CLIC5: variants seen among roughly 807,000 people sequenced by gnomAD.
CLIC5 encodes the protein chloride intracellular channel protein 5.
In CLIC5, 20 loss-of-function variants were observed where a neutral mutation model predicts 24.7. The ratio of observed to expected loss-of-function variants is 0.81; its 90% confidence interval spans 0.57 to 1.18. The LOEUF is 1.18. CLIC5 is among the 50% of genes most tolerant of loss of function. CLIC5 has a pLI of 0.00. For synonymous variants in CLIC5, 159 were observed against 135.6 expected (o/e 1.17, Z -1.20); for missense variants, 341 against 326.1 (o/e 1.05, Z -0.35).
chr6:45,982,191 C>T (rs972160251), intron 1 of CLIC5, among the ~76,000 whole-genome samples: 2 of 151,938 alleles, frequency 1.3e-5, no homozygotes, highest in Non-Finnish European at 2.9e-5. Flanking sequence ...GTGAACAAAC[C>T]TTGGACACCT....
rs116381286 is a variant in CLIC5, at chr6:45,913,295, G to A, written c.588+933C>T. Among the ~76,000 whole-genome samples the A allele has an allele frequency of 9.5e-3, 1,452 of 152,282 alleles. 23 individuals are homozygous for A. The highest frequency in any genetic ancestry group is 0.033 in the African/African-American group (1,373 of 41,558). On this transcript the variant is annotated intron_variant, in intron 5 of 5. Transcript: ENST00000339561. Reference sequence around the variant, plus strand: ...TATGGCTATCTGATACTAGGCTGACGAGGGTCAGGAAAGAATGGGGGAAGA... The same window carrying A: ...TATGGCTATCTGATACTAGGCTGACAAGGGTCAGGAAAGAATGGGGGAAGA...
rs1452376505 is a variant in CLIC5 at position 45,949,291 on chromosome 6, G to T, written c.264C>A (p.Ile88=). The T allele has an allele frequency of 6.2e-7, 1 of 1,613,832 alleles. No homozygotes were observed. Among genetic ancestry groups the T allele is most frequent in the Admixed American group, 1.7e-5 (1 of 60,002 alleles). ...NGDVKTDVNK[I]EEFLEETLTP... ...TCAAGGTCTCCTCCAGGAACTCCTC[G>T]ATCTTATTGACGTCTGTCTTCACGT... The change falls in exon 3 of 6, where the codon ATC becomes ATA. Residue 88 remains isoleucine (I), a synonymous_variant. Transcript: ENST00000339561.
rs1053044433 is a variant in CLIC5, at chr6:46,015,401, T to A, written c.63+79A>T. On this transcript the variant is annotated intron_variant, in intron 1 of 5. Coordinates refer to ENST00000339561, the MANE Select transcript of CLIC5 (RefSeq NM_016929.5). ...GCCGCCCTCCTGGGAGGGTCCGGAG[T>A]CCAGCGCACCCCGAGCCCTGGTGGG... The A allele has an allele frequency of 2.4e-5, 33 of 1,380,938 alleles. No individual in the cohort carries two copies. The African/African-American group carries it at 4.8e-4, about 20-fold the overall frequency. The allele number at this position is 1,380,938 out of a possible 1,614,324, so 85.5% of individuals were successfully genotyped here.
chr6:46,125,161 A>G, the CLIC5 span, among the ~76,000 whole-genome samples: 1 of 152,246 alleles, frequency 6.6e-6, no homozygotes, highest in African/African-American at 2.4e-5. Context: ...ACAATAGCAA[A>G]GACTTGGATC....
chr6:46,015,644 C>T lies in CLIC5; in HGVS notation c.-102G>A. The T allele has an allele frequency of 7.4e-7, 1 of 1,352,946 alleles. No homozygotes were observed. Among genetic ancestry groups the T allele is most frequent in the Non-Finnish European group, 9.6e-7 (1 of 1,042,522 alleles). The allele number at this position is 1,352,946 out of a possible 1,614,324, so 83.8% of individuals were successfully genotyped here. A position where few individuals can be genotyped will look rare whatever the true frequency, so the allele number is the denominator to read the frequency against. ...CCTGCCGCTGCCCAGCGGGGCTCCT[C>T]TTCAGGGCGGTGTTTAATTTTTCAC... is the stretch of plus-strand genomic sequence containing the variant. On this transcript the variant is annotated 5_prime_UTR_variant, in exon 1 of 6. Transcript: ENST00000339561.
At chr6:46,082,375 C>G (rs1027680770), upstream of CLIC5, among the ~76,000 whole-genome samples, 3 of 152,180 alleles carry the variant, frequency 2.0e-5, no homozygotes, top group South Asian at 6.2e-4. Flanking sequence ...TAATATGAAA[C>G]AAGTCCTTCC....
intron 1 of CLIC5, among the ~76,000 whole-genome samples, chr6:46,057,228 G>T (rs1413830749): frequency 2.0e-5 from 3 of 152,212 alleles, no homozygotes; most frequent in Non-Finnish European, 4.4e-5. Context: ...TTGTGGGAGG[G>T]ACCCAGGGGG....
At chr6:45,990,470 A>G (rs1765895843) in intron 1 of CLIC5, among the ~76,000 whole-genome samples, 1 of 152,216 alleles carries the variant, frequency 6.6e-6, no homozygotes, top group Admixed American at 6.5e-5. Context: ...AGTGTGATAG[A>G]AGGATGGTGG....
intron 1 of CLIC5, among the ~76,000 whole-genome samples, chr6:45,980,323 T>C (rs1176746366): frequency 6.6e-6 from 1 of 152,152 alleles, no homozygotes; most frequent in East Asian, 1.9e-4. Context: ...TAAAACCAAA[T>C]ACTGCATGTT....
chr6:45,981,151 G>A (rs1046460048), intron 1 of CLIC5, among the ~76,000 whole-genome samples: 2 of 151,836 alleles, frequency 1.3e-5, no homozygotes, highest in Non-Finnish European at 2.9e-5. Context: ...TGTATTTCTT[G>A]TAGAGATGTG....
At chr6:46,060,996 G>C (rs1470788888) in intron 1 of CLIC5, among the ~76,000 whole-genome samples, 1 of 152,196 alleles carries the variant, frequency 6.6e-6, no homozygotes, top group African/African-American at 2.4e-5. Flanking sequence ...ATTAGGTACA[G>C]AGTGCGGGTT....
At chr6:45,931,619 GT>G (rs768524519) in intron 4 of CLIC5, among the ~76,000 whole-genome samples, 4 of 152,156 alleles carry the variant, frequency 2.6e-5, no homozygotes, top group Non-Finnish European at 5.9e-5. Context: ...AAAACACTTT[GT>G]TTAAGTGATA....
intron 4 of CLIC5, among the ~76,000 whole-genome samples, chr6:45,933,745 G>T (rs1451676407): frequency 6.6e-6 from 1 of 152,236 alleles, no homozygotes; most frequent in Non-Finnish European, 1.5e-5. Flanking sequence ...TGTCCCATGT[G>T]CTGGGTGGAC....
At chr6:45,897,755 A>C (rs1581705937), downstream of CLIC5, among the ~76,000 whole-genome samples, 1 of 152,028 alleles carries the variant, frequency 6.6e-6, no homozygotes, top group Non-Finnish European at 1.5e-5. Flanking sequence ...GAGAGTAGGG[A>C]TTTCAGCCTA....
chr6:45,993,898 T>C (rs1201417365), intron 1 of CLIC5, among the ~76,000 whole-genome samples: 1 of 152,174 alleles, frequency 6.6e-6, no homozygotes, highest in African/African-American at 2.4e-5. Flanking sequence ...CATCCGTTCA[T>C]GGGAAGCTCA....
chr6:46,118,583 A>G, the CLIC5 span, among the ~76,000 whole-genome samples: 1 of 152,382 alleles, frequency 6.6e-6, no homozygotes, highest in Non-Finnish European at 1.5e-5. Flanking sequence ...TACAAAAAGT[A>G]TAGTGCTTTG....
chr6:45,885,148 C>T (rs1313396287), intron 6 of CLIC5, among the ~76,000 whole-genome samples: 3 of 151,978 alleles, frequency 2.0e-5, no homozygotes, highest in Non-Finnish European at 2.9e-5. Context: ...ATCCAAAGTC[C>T]AATGTGATGG....
intron 1 of CLIC5, among the ~76,000 whole-genome samples, chr6:45,982,525 A>C (rs1168873621): frequency 1.3e-5 from 2 of 152,106 alleles, no homozygotes; most frequent in Non-Finnish European, 2.9e-5. Flanking sequence ...AGTGTAGTCT[A>C]TTGTTCCTAG....
chr6:45,989,242 C>A (rs1016097689), intron 1 of CLIC5, among the ~76,000 whole-genome samples: 3 of 152,194 alleles, frequency 2.0e-5, no homozygotes, highest in Non-Finnish European at 4.4e-5. Context: ...ACATTGTCTC[C>A]TTTCCTGATT....
Sources: allele counts gnomAD v4.1 joint callset (sites outside exome capture counted in the v4.1 genomes callset), GRCh38; gene constraint gnomAD v4.1.1; transcripts MANE v1.5; gene names NCBI Gene and HGNC (gene_info 2026-07-23, HGNC 2026-07-21).